Variants in SPMAP2L observed in about 807,000 individuals in gnomAD.
SPMAP2L encodes the protein sperm microtubule associated protein 2 like.
At chr4:56,592,964 A>G in the SPMAP2L span, 1 of 1,604,688 alleles carries the variant, frequency 6.2e-7, no homozygotes, top group Non-Finnish European at 8.5e-7. Context: ...CCATTTGAAA[A>G]GACCCTTGAA....
At chr4:56,598,150 A>T in the SPMAP2L span, among the ~76,000 whole-genome samples, 1 of 152,252 alleles carries the variant, frequency 6.6e-6, no homozygotes, top group Admixed American at 6.5e-5. Context: ...GGTGTGAGCC[A>T]TCATGGCTAG....
chr4:56,613,057 C>T, the SPMAP2L span, among the ~76,000 whole-genome samples: 1 of 152,118 alleles, frequency 6.6e-6, no homozygotes, highest in South Asian at 2.1e-4. Context: ...AGTGGTTAGC[C>T]TTTGTTCTCC....
chr4:56,559,213 A>G, the SPMAP2L span, among the ~76,000 whole-genome samples: 1 of 151,218 alleles, frequency 6.6e-6, no homozygotes, highest in East Asian at 2.0e-4. Flanking sequence ...AGGCAGGAGA[A>G]GCACTTGAAT....
the SPMAP2L span, among the ~76,000 whole-genome samples, chr4:56,620,219 C>CA: frequency 6.6e-6 from 1 of 152,294 alleles, no homozygotes; most frequent in East Asian, 1.9e-4. Context: ...CTTGCACAGC[C>CA]AGAATGAAAC....
At chr4:56,552,594 G>C in the SPMAP2L span, 5 of 1,525,036 alleles carry the variant, frequency 3.3e-6, no homozygotes, top group African/African-American at 5.5e-5. Flanking sequence ...AGCCTAAAAA[G>C]CAATGGGGAA....
chr4:56,592,916 A>G, the SPMAP2L span: 2 of 1,606,884 alleles, frequency 1.2e-6, no homozygotes, highest in South Asian at 1.1e-5. Context: ...GCTGGCGAGC[A>G]TTGATGAATT....
chr4:56,593,905 G>T, the SPMAP2L span: 5 of 1,609,656 alleles, frequency 3.1e-6, no homozygotes, highest in Non-Finnish European at 4.2e-6. Flanking sequence ...ATGCCACTTT[G>T]ATTTTGCCAG....
the SPMAP2L span, among the ~76,000 whole-genome samples, chr4:56,579,625 T>C: frequency 6.6e-6 from 1 of 152,082 alleles, no homozygotes; most frequent in Admixed American, 6.6e-5. Context: ...AAAAAATTAA[T>C]TGGCCATGGT....
the SPMAP2L span, among the ~76,000 whole-genome samples, chr4:56,572,617 A>C: frequency 1.3e-5 from 2 of 152,204 alleles, no homozygotes; most frequent in African/African-American, 4.8e-5. Flanking sequence ...GTGGACTACT[A>C]TATGCTTTTT....
At chr4:56,591,586 T>G in the SPMAP2L span, among the ~76,000 whole-genome samples, 6 of 152,182 alleles carry the variant, frequency 3.9e-5, no homozygotes, top group African/African-American at 7.2e-5. Flanking sequence ...AGTGTTAGTA[T>G]CATCATCATC....
At chr4:56,552,565 A>G in the SPMAP2L span, 1 of 1,523,270 alleles carries the variant, frequency 6.6e-7, no homozygotes. Flanking sequence ...TTCTAGGAAG[A>G]GAACCCCAAA....
At chr4:56,574,988 T>A in the SPMAP2L span, among the ~76,000 whole-genome samples, 2 of 151,940 alleles carry the variant, frequency 1.3e-5, no homozygotes. Flanking sequence ...CGGTGGCTCA[T>A]GCCTGTAATC....
the SPMAP2L span, among the ~76,000 whole-genome samples, chr4:56,614,253 G>T: frequency 6.6e-6 from 1 of 152,206 alleles, no homozygotes; most frequent in Non-Finnish European, 1.5e-5. Flanking sequence ...GTTATTTGCA[G>T]CTTCATAATC....
the SPMAP2L span, chr4:56,575,513 A>G: frequency 6.5e-7 from 1 of 1,535,326 alleles, no homozygotes; most frequent in East Asian, 2.4e-5. Context: ...AGGGCTCAAT[A>G]CTACCACAGC....
At chr4:56,583,485 A>G in the SPMAP2L span, among the ~76,000 whole-genome samples, 1 of 152,184 alleles carries the variant, frequency 6.6e-6, no homozygotes, top group Non-Finnish European at 1.5e-5. Context: ...TATCTCAGCA[A>G]AAAAACAAAA....
At chr4:56,563,014 T>C in the SPMAP2L span, among the ~76,000 whole-genome samples, 1 of 151,638 alleles carries the variant, frequency 6.6e-6, no homozygotes. Context: ...CATGAAACTT[T>C]CATGAATTTT....
the SPMAP2L span, among the ~76,000 whole-genome samples, chr4:56,618,738 T>C: frequency 6.6e-6 from 1 of 152,190 alleles, no homozygotes; most frequent in African/African-American, 2.4e-5. Context: ...AGCCAAACCA[T>C]GTCAAAAGGC....
At chr4:56,532,662 T>G in the SPMAP2L span, among the ~76,000 whole-genome samples, 1 of 152,146 alleles carries the variant, frequency 6.6e-6, no homozygotes, top group Non-Finnish European at 1.5e-5. Context: ...TTTCTTCACC[T>G]CTCATTCTCA....
the SPMAP2L span, among the ~76,000 whole-genome samples, chr4:56,583,524 T>C: frequency 6.6e-6 from 1 of 152,004 alleles, no homozygotes; most frequent in Admixed American, 6.6e-5. Flanking sequence ...CCCTAGAGAG[T>C]AATCATGTAT....
Sources: allele counts gnomAD v4.1 joint callset (sites outside exome capture counted in the v4.1 genomes callset), GRCh38; gene constraint gnomAD v4.1.1; transcripts MANE v1.5; gene names NCBI Gene and HGNC (gene_info 2026-07-23, HGNC 2026-07-21).